VPS13C: variants seen among roughly 807,000 people sequenced by gnomAD.
The protein encoded by VPS13C is intermembrane lipid transfer protein VPS13C.
Under a neutral mutation model 456.8 loss-of-function variants are expected in VPS13C, and 358 were observed. The observed-to-expected ratio is 0.78, with a 90% confidence interval of 0.72 to 0.86. The LOEUF is 0.86. VPS13C is among the 40% of genes least tolerant of loss of function. The pLI is 0.00. For synonymous variants in VPS13C, 1,578 were observed against 1,486.7 expected, an observed-to-expected ratio of 1.06 and a Z score of -1.41; for missense variants, 4,818 against 4,385.4, an observed-to-expected ratio of 1.10 and a Z score of -2.79.
intron 16 of VPS13C, among the ~76,000 whole-genome samples, chr15:62,000,226 C>A (rs530706710): frequency 8.5e-4 from 130 of 152,054 alleles, no homozygotes; most frequent in African/African-American, 2.9e-3. Flanking sequence ...ATTAGCCGGG[C>A]GTGGTGGCAC....
At chr15:61,976,442 A>G (rs772701580) in intron 24 of VPS13C, among the ~76,000 whole-genome samples, 2 of 152,064 alleles carry the variant, frequency 1.3e-5, no homozygotes, top group South Asian at 4.1e-4. Flanking sequence ...TAACAAATCT[A>G]TAGTGTCAGA....
Position 61,958,702 on chromosome 15 carries a change from T to C in VPS13C, c.4071A>G (p.Gln1357=). 3 of 1,534,112 alleles carry C rather than the reference T, an allele frequency of 2.0e-6. No individual in the cohort carries two copies. The highest frequency in any genetic ancestry group is 2.6e-6 in the Non-Finnish European group (3 of 1,138,014). Residue 1357 remains glutamine (Q), a synonymous_variant, in exon 37 of 85, where the codon CAA becomes CAG. Coordinates refer to ENST00000644861, the MANE Select transcript of VPS13C (RefSeq NM_020821.3). ...TCCTAAATAAAAGATTAAGATCTTC[T>C]TGATTTAGACTAACCTGTAAAATAT... The part of the protein sequence containing the change: ...HLDSMNVSLN[Q]EDLNLLFRIL...
At chr15:61,959,950 G>A (rs1039944009) in intron 35 of VPS13C, among the ~76,000 whole-genome samples, 1 of 152,112 alleles carries the variant, frequency 6.6e-6, no homozygotes, top group African/African-American at 2.4e-5. Flanking sequence ...GAAAATGATG[G>A]CAAAGTGAAC....
intron 9 of VPS13C, among the ~76,000 whole-genome samples, chr15:62,019,984 G>GTA (rs1368740425): frequency 2.7e-5 from 4 of 150,508 alleles, no homozygotes; most frequent in Non-Finnish European, 4.4e-5. Context: ...ATGTATGTGT[G>GTA]TATATATATA....
intron 66 of VPS13C, among the ~76,000 whole-genome samples, chr15:61,894,335 C>A (rs1412034387): frequency 1.3e-5 from 2 of 150,874 alleles, no homozygotes; most frequent in Non-Finnish European, 3.0e-5. Context: ...AAAAAAAAAC[C>A]CCAGAAATCC....
rs749852548 is a variant in VPS13C at position 61,947,278 on chromosome 15, A to G, written c.4791T>C (p.Phe1597=). 18 of 1,609,236 alleles carry G rather than the reference A, an allele frequency of 1.1e-5. No homozygotes were observed. Among genetic ancestry groups the G allele is most frequent in the Admixed American group, 6.8e-5 (4 of 58,970 alleles). The change falls in exon 43 of 85, where the codon TTT becomes TTC. Residue 1597 remains phenylalanine, a synonymous_variant. Transcript: ENST00000644861. ...VSSNISQKDV[F]DLKITAELNA... ...TTAATTCAGCTGTGATCTTTAAATC[A>G]AACACATCCTTTTGGGAAATGTTGC... is the stretch of plus-strand genomic sequence containing the variant.
At chr15:61,969,075 T>C (rs1242734830) in intron 28 of VPS13C, among the ~76,000 whole-genome samples, 1 of 152,104 alleles carries the variant, frequency 6.6e-6, no homozygotes, top group Non-Finnish European at 1.5e-5. Flanking sequence ...TAAATTATAT[T>C]AATACAATCA....
intron 20 of VPS13C, among the ~76,000 whole-genome samples, chr15:61,983,252 G>A (rs1419928234): frequency 6.6e-6 from 1 of 152,106 alleles, no homozygotes; most frequent in Admixed American, 6.5e-5. Context: ...TCAACAAGGT[G>A]GGGCGAACCT....
At chr15:61,859,762 C>G (rs1253862612) in intron 82 of VPS13C, among the ~76,000 whole-genome samples, 1 of 152,064 alleles carries the variant, frequency 6.6e-6, no homozygotes, top group African/African-American at 2.4e-5. Context: ...TTTGTAGCCC[C>G]CTGCCCATTA....
rs879133795 is a variant in VPS13C at position 61,972,720 on chromosome 15, T to A, written c.2662A>T (p.Thr888Ser). 1 of 1,612,930 alleles carries A rather than the reference T, an allele frequency of 6.2e-7. No individual in the cohort carries two copies. The highest frequency in any genetic ancestry group is 1.7e-5 in the Admixed American group (1 of 60,022). Residue 888 changes from threonine to serine, a missense_variant, in exon 27 of 85, where the codon ACT becomes TCT. Physicochemically the swap from Thr to Ser is moderately conservative, Grantham distance 58 (BLOSUM62 1). Coordinates refer to ENST00000644861, the MANE Select transcript of VPS13C (RefSeq NM_020821.3). ...YFDAEDGEPQTCKSMKGSELK... is the reference protein window; with the variant it reads ...YFDAEDGEPQSCKSMKGSELK... ...TCTGATCCTTTCATACTTTTACAAG[T>A]CTGTGGTTCTCCATCTTCAGCATCA...
At chr15:61,957,231 C>T (rs181730972) in intron 37 of VPS13C, among the ~76,000 whole-genome samples, 1 of 152,064 alleles carries the variant, frequency 6.6e-6, no homozygotes, top group Non-Finnish European at 1.5e-5. Context: ...TCCATGTACA[C>T]GAAATTCAAG....
chr15:61,979,738 G>A (rs538131712), intron 22 of VPS13C, among the ~76,000 whole-genome samples: 2 of 152,264 alleles, frequency 1.3e-5, no homozygotes, highest in African/African-American at 4.8e-5. Flanking sequence ...AATTCTGACT[G>A]AAAAATTAAA....
chr15:61,899,378 G>A (rs1365143453), intron 66 of VPS13C, among the ~76,000 whole-genome samples: 3 of 149,990 alleles, frequency 2.0e-5, no homozygotes. Context: ...AAGAAAAAAA[G>A]AGAGAAGAAT....
intron 77 of VPS13C, among the ~76,000 whole-genome samples, chr15:61,873,676 G>A (rs923121752): frequency 2.6e-5 from 4 of 151,824 alleles, no homozygotes; most frequent in South Asian, 2.1e-4. Flanking sequence ...AATCACAAAC[G>A]CTGTCAAAGA....
chr15:61,973,350 T>C lies in VPS13C; in HGVS notation c.2617+104A>G. ...CACAACTAGAACTAAAACCAGTAAA[T>C]TACTACAGCACTTTCAGACTGCCCT... On this transcript the variant is annotated intron_variant, in intron 26 of 84. Transcript: ENST00000644861. 4.4e-6 allele frequency: 4 copies of C among 912,614 alleles called. No homozygotes were observed. The South Asian group carries it at 6.8e-5, about 15-fold the overall frequency. The allele number at this position is 912,614 out of a possible 1,614,324, so 56.5% of individuals were successfully genotyped here.
At chr15:61,906,184 C>T (rs2043147301) in intron 66 of VPS13C, among the ~76,000 whole-genome samples, 1 of 152,124 alleles carries the variant, frequency 6.6e-6, no homozygotes, top group South Asian at 2.1e-4. Context: ...CCTGTCATGT[C>T]CACTTGGGCC....
chr15:61,962,876 T>C (rs746813860), intron 32 of VPS13C, 24 bp from the exon 33 acceptor site: 9 of 1,488,538 alleles, frequency 6.0e-6, no homozygotes, highest in South Asian at 1.2e-5. Context: ...TGTATTATTA[T>C]AATTTCTACA....
intron 68 of VPS13C, among the ~76,000 whole-genome samples, chr15:61,883,443 G>A (rs12916268): frequency 0.39 from 59,597 of 151,522 alleles, 11,981 homozygotes; most frequent in Non-Finnish European, 0.43. Context: ...GCCAAAATTG[G>A]TGGGGGTGCT....
At chr15:61,982,629 A>G (rs959942639) in intron 20 of VPS13C, 56 bp from the exon 21 acceptor site, 2 of 1,288,158 alleles carry the variant, frequency 1.6e-6, no homozygotes, top group Admixed American at 2.0e-5. Context: ...TCCATATTGT[A>G]AACTTCAAAG....
Sources: gnomAD v4.1 joint callset for allele counts (sites outside exome capture counted in the v4.1 genomes callset) on GRCh38, gnomAD v4.1.1 for gene constraint, MANE v1.5 for transcripts, NCBI Gene and HGNC (gene_info 2026-07-23, HGNC 2026-07-21) for gene names.